Variants in RNF130 observed in about 807,000 individuals in gnomAD.
RNF130 encodes ring finger protein 130, also known as E3 ubiquitin-protein ligase RNF130.
In RNF130, 21 loss-of-function variants were observed where a neutral mutation model predicts 44.6. The ratio of observed to expected loss-of-function variants is 0.47; its 90% CI spans 0.33 to 0.68. The LOEUF (loss-of-function observed/expected upper bound fraction) is 0.68. Ranked by LOEUF, RNF130 falls within the 30% of genes least tolerant of loss-of-function variation. The pLI, the probability that RNF130 is intolerant of heterozygous loss-of-function variation, is 0.02. For missense variants in RNF130, 479 were observed against 560.6 expected, an observed-to-expected ratio of 0.85 and a Z score of 1.47; for synonymous variants, 214 against 210.4, an observed-to-expected ratio of 1.02 and a Z score of -0.15.
chr5:179,935,765 C>T, intron 7 of RNF130, among the ~76,000 whole-genome samples: 1 of 143,392 alleles, frequency 7.0e-6, no homozygotes, highest in African/African-American at 2.5e-5. Context: ...CTATGCTGGC[C>T]TAGAGATCAT....
chr5:180,031,421 A>C (rs1764128571), intron 2 of RNF130, among the ~76,000 whole-genome samples: 1 of 152,132 alleles, frequency 6.6e-6, no homozygotes, highest in Admixed American at 6.5e-5. Context: ...CAGGAGGCGG[A>C]GGTTGCAGTG....
intron 1 of RNF130, among the ~76,000 whole-genome samples, chr5:180,057,214 A>G (rs1382693674): frequency 6.6e-6 from 1 of 152,240 alleles, no homozygotes; most frequent in Non-Finnish European, 1.5e-5. Flanking sequence ...GCAAGGGGCT[A>G]AAGGTTGAGC....
downstream of RNF130, among the ~76,000 whole-genome samples, chr5:179,954,460 C>T (rs561559770): frequency 1.9e-4 from 29 of 152,248 alleles, no homozygotes; most frequent in African/African-American, 5.5e-4. Context: ...AAGTCAAAGA[C>T]GCCAGACACA....
chr5:180,012,182 C>T (rs1763609290), intron 3 of RNF130, among the ~76,000 whole-genome samples: 1 of 152,174 alleles, frequency 6.6e-6, no homozygotes, highest in Admixed American at 6.5e-5. Flanking sequence ...AGACCTGTTC[C>T]ATGCCAAAGT....
At chr5:179,945,598 G>A (rs548109218) in intron 7 of RNF130, among the ~76,000 whole-genome samples, 1 of 152,208 alleles carries the variant, frequency 6.6e-6, no homozygotes, top group South Asian at 2.1e-4. Context: ...GACTCACACC[G>A]CGGTGGACAG....
At chr5:180,061,552 C>A (rs941398099) in intron 1 of RNF130, among the ~76,000 whole-genome samples, 7 of 152,210 alleles carry the variant, frequency 4.6e-5, no homozygotes, top group Non-Finnish European at 7.3e-5. Flanking sequence ...CAGCCCCTCT[C>A]CCAGCGTCTG....
intron 1 of RNF130, among the ~76,000 whole-genome samples, chr5:180,040,915 C>T (rs550070080): frequency 5.3e-5 from 8 of 152,218 alleles, no homozygotes; most frequent in Non-Finnish European, 8.8e-5. Flanking sequence ...TAAAAAAGGA[C>T]TGATAATATC....
At chr5:179,958,679 C>A (rs747186098) in intron 8 of RNF130, among the ~76,000 whole-genome samples, 1 of 152,116 alleles carries the variant, frequency 6.6e-6, no homozygotes, top group African/African-American at 2.4e-5. Context: ...TTAACTACTA[C>A]AAAGTTGTTT....
chr5:179,950,914 T>C (rs575290212), downstream of RNF130, among the ~76,000 whole-genome samples: 5 of 152,160 alleles, frequency 3.3e-5, no homozygotes, highest in Non-Finnish European at 5.9e-5. Flanking sequence ...ATTGCTTTGA[T>C]CTCCACTGAG....
At chr5:179,948,595 C>T (rs1419345797) in intron 7 of RNF130, among the ~76,000 whole-genome samples, 1 of 152,004 alleles carries the variant, frequency 6.6e-6, no homozygotes, top group Non-Finnish European at 1.5e-5. Context: ...TGCTTGAACC[C>T]AGGAGGTGGA....
At chr5:180,017,747 C>A (rs1413449956) in intron 2 of RNF130, among the ~76,000 whole-genome samples, 7 of 152,176 alleles carry the variant, frequency 4.6e-5, no homozygotes, top group Non-Finnish European at 1.0e-4. Context: ...ATAATCCTGA[C>A]TACAAAATCA....
At chr5:179,934,035 C>T (rs565556494) in intron 7 of RNF130, 6 of 275,152 alleles carry the variant, frequency 2.2e-5, no homozygotes, top group African/African-American at 4.5e-5. Flanking sequence ...AGCTCTGTGA[C>T]GATCAGATTT....
downstream of RNF130, among the ~76,000 whole-genome samples, chr5:179,953,276 T>C (rs1238784607): frequency 6.6e-6 from 1 of 151,352 alleles, no homozygotes; most frequent in Non-Finnish European, 1.5e-5. Context: ...ATGATCTACA[T>C]ATGCAGTGCA....
intron 1 of RNF130, among the ~76,000 whole-genome samples, chr5:180,070,634 G>C (rs1188707403): frequency 6.6e-6 from 1 of 152,214 alleles, no homozygotes; most frequent in Non-Finnish European, 1.5e-5. Flanking sequence ...CAAAAGTTCA[G>C]CGTGGGCCAA....
At chr5:180,009,286 G>C (rs1008123777) in intron 3 of RNF130, among the ~76,000 whole-genome samples, 3 of 152,120 alleles carry the variant, frequency 2.0e-5, no homozygotes, top group Non-Finnish European at 4.4e-5. Flanking sequence ...GCTTTTCAAA[G>C]ACCTTGTTAA....
At chr5:179,969,665 G>A (rs1198291188) in intron 6 of RNF130, among the ~76,000 whole-genome samples, 2 of 151,676 alleles carry the variant, frequency 1.3e-5, no homozygotes, top group Non-Finnish European at 2.9e-5. Context: ...GCCAGGAGTT[G>A]AGACCCGCCT....
intron 2 of RNF130, chr5:180,015,415 T>G: frequency 1.9e-6 from 1 of 513,758 alleles, no homozygotes; most frequent in Non-Finnish European, 4.1e-6. Context: ...TAGAAATCAG[T>G]TGAGGCTCCC....
chr5:179,917,119 AGGC>A (rs1279537610), exon 8 of RNF130: 1 of 151,512 alleles, frequency 6.6e-6, no homozygotes, highest in Non-Finnish European at 1.5e-5. Context: ...TGAACCCGGG[AGGC>A]GGAAGTTGCA....
intron 1 of RNF130, among the ~76,000 whole-genome samples, chr5:180,045,005 A>T (rs536991487): frequency 6.6e-6 from 1 of 152,268 alleles, no homozygotes; most frequent in South Asian, 2.1e-4. Flanking sequence ...AACCCCTGAA[A>T]CTTGCGCAGC....
Sources: gnomAD v4.1 joint callset for allele counts (sites outside exome capture counted in the v4.1 genomes callset) on GRCh38, gnomAD v4.1.1 for gene constraint, MANE v1.5 for transcripts, NCBI Gene and HGNC (gene_info 2026-07-23, HGNC 2026-07-21) for gene names.